OPRK1: variants seen among roughly 807,000 people sequenced by gnomAD.
OPRK1 encodes the protein opioid receptor kappa 1.
A neutral mutation model predicts 24.5 loss-of-function variants in OPRK1; 15 were observed. The observed-to-expected ratio is 0.61, with a 90% CI of 0.41 to 0.94. The LOEUF (loss-of-function observed/expected upper bound fraction) is 0.94. Ranked by LOEUF, OPRK1 falls within the 40% of genes least tolerant of loss-of-function variation. OPRK1 has a pLI of 0.00. For synonymous variants in OPRK1, 205 were observed against 198.0 expected, an observed-to-expected ratio of 1.04 and a Z score of -0.30; for missense variants, 479 against 507.3, an observed-to-expected ratio of 0.94 and a Z score of 0.54.
intron 3 of OPRK1, 102 bp from the exon 4 acceptor site, chr8:53,229,931 G>A (rs1367056507): frequency 2.2e-5 from 24 of 1,070,224 alleles, no homozygotes; most frequent in Non-Finnish European, 3.2e-5. Context: ...TTATTGCAAT[G>A]GTCCAATTAT....
chr8:53,242,098 T>C (rs1404363155), intron 2 of OPRK1, among the ~76,000 whole-genome samples: 1 of 152,208 alleles, frequency 6.6e-6, no homozygotes, highest in East Asian at 1.9e-4. Flanking sequence ...TGCCTAGCGG[T>C]ATATGGATAC....
intron 2 of OPRK1, among the ~76,000 whole-genome samples, chr8:53,243,755 C>T (rs1234067233): frequency 1.3e-5 from 2 of 152,304 alleles, no homozygotes; most frequent in East Asian, 1.9e-4. Context: ...ATTTTTGCTA[C>T]ATTTGTATTA....
rs202077894 is a variant in OPRK1, at chr8:53,229,690, G to T, written c.750C>A (p.Ile250=). ...LIIIVCYTLM[I]LRLKSVRLLS... is the part of the protein sequence containing the mutation. Reference sequence around the variant, plus strand: ...GGAGCCGGACGCTCTTGAGACGCAGGATCATCAGGGTGTAGCAGACGATGA... The same window carrying T: ...GGAGCCGGACGCTCTTGAGACGCAGTATCATCAGGGTGTAGCAGACGATGA... The change falls in exon 4 of 4, where the codon ATC becomes ATA. Residue 250 remains isoleucine (I), a synonymous_variant. Coordinates refer to ENST00000265572, the MANE Select transcript of OPRK1 (RefSeq NM_000912.5). The T allele has an allele frequency of 1.2e-6, 2 of 1,614,004 alleles. No individual in the cohort carries two copies. The highest frequency in any genetic ancestry group is 2.2e-5 in the East Asian group (1 of 44,888).
intron 2 of OPRK1, among the ~76,000 whole-genome samples, chr8:53,240,686 G>A (rs1807092570): frequency 6.6e-6 from 1 of 151,866 alleles, no homozygotes; most frequent in Admixed American, 6.6e-5. Context: ...CAGAAATGGT[G>A]GGGGAAATGG....
intron 2 of OPRK1, among the ~76,000 whole-genome samples, chr8:53,250,052 T>G (rs1807332012): frequency 1.3e-5 from 2 of 150,018 alleles, no homozygotes; most frequent in Non-Finnish European, 2.9e-5. Context: ...TTATTGGAAG[T>G]TGACTTGAAG....
At chr8:53,239,341 T>G (rs190579042) in intron 2 of OPRK1, among the ~76,000 whole-genome samples, 32 of 152,364 alleles carry the variant, frequency 2.1e-4, no homozygotes, top group Admixed American at 9.8e-4. Context: ...AGAGAAAGAT[T>G]GCTGTGTAGT....
intron 2 of OPRK1, among the ~76,000 whole-genome samples, chr8:53,239,041 G>A (rs1441239809): frequency 6.6e-6 from 1 of 152,062 alleles, no homozygotes; most frequent in Non-Finnish European, 1.5e-5. Context: ...CTTTAATCTT[G>A]ATGACTGATT....
At position 53,227,602 on chromosome 8, in the gene OPRK1, C is replaced by G. The variant is rs990011328; in HGVS notation, c.*1695G>C. 3.3e-5 allele frequency: 5 copies of G among 152,084 alleles called. No individual in the cohort carries two copies. Among genetic ancestry groups the G allele is most frequent in the Non-Finnish European group, 7.4e-5 (5 of 68,020 alleles). The allele number at this position is 152,084 out of a possible 1,614,324, so 9.4% of individuals were successfully genotyped here. On this transcript the variant is annotated 3_prime_UTR_variant, in exon 4 of 4. Transcript: ENST00000265572. ...AAAACAAGAAATACTCAAAAGAGCACTTCATTTTCATTAGGAGAAATCACT... is the reference window on the plus strand; with the variant it reads ...AAAACAAGAAATACTCAAAAGAGCAGTTCATTTTCATTAGGAGAAATCACT...
At chr8:53,248,051 C>T (rs1359439883) in intron 2 of OPRK1, among the ~76,000 whole-genome samples, 2 of 145,672 alleles carry the variant, frequency 1.4e-5, no homozygotes, top group African/African-American at 5.1e-5. Context: ...CATTCACACC[C>T]AACAACCACA....
chr8:53,238,534 G>A (rs1585633541), intron 2 of OPRK1: 3 of 985,490 alleles, frequency 3.0e-6, no homozygotes, highest in Non-Finnish European at 3.6e-6. Context: ...AACTTGAGTT[G>A]TGAGCACCGG....
intron 2 of OPRK1, among the ~76,000 whole-genome samples, chr8:53,238,201 A>C (rs949406450): frequency 1.1e-4 from 16 of 152,196 alleles, no homozygotes; most frequent in Admixed American, 7.2e-4. Context: ...TCCACCACTG[A>C]AAAAACAAGC....
At chr8:53,251,278 A>C in intron 1 of OPRK1, 170 bp downstream of exon 1, 1 of 583,428 alleles carries the variant, frequency 1.7e-6, no homozygotes, top group South Asian at 2.5e-5. Flanking sequence ...AGGGGCGAAG[A>C]GCGCTCGCTC....
chr8:53,240,481 G>T (rs952294603), intron 2 of OPRK1, among the ~76,000 whole-genome samples: 1 of 152,158 alleles, frequency 6.6e-6, no homozygotes, highest in Non-Finnish European at 1.5e-5. Flanking sequence ...GGAGTCCAAA[G>T]AGGCCCAAGA....
At chr8:53,233,865 G>GC (rs1252952638) in intron 3 of OPRK1, among the ~76,000 whole-genome samples, 1 of 152,060 alleles carries the variant, frequency 6.6e-6, no homozygotes, top group African/African-American at 2.4e-5. Flanking sequence ...CCAATGTGCA[G>GC]CCCAGAGTGA....
intron 2 of OPRK1, chr8:53,242,788 G>A: frequency 8.3e-7 from 1 of 1,210,534 alleles, no homozygotes; most frequent in Admixed American, 2.6e-5. Flanking sequence ...TTACGGGCCT[G>A]AGCCACCGCG....
intron 2 of OPRK1, among the ~76,000 whole-genome samples, chr8:53,245,336 T>C (rs535219802): frequency 6.6e-6 from 1 of 152,108 alleles, no homozygotes; most frequent in East Asian, 1.9e-4. Context: ...GGAAAGGCTA[T>C]GTGAAGTTAC....
At position 53,249,388 on chromosome 8, in the gene OPRK1, G is replaced by A. The variant is rs190503085; in HGVS notation, c.257+1393C>T. ...CTAATTGTCTCTTTAGTGGAGGCCA[G>A]CCCTGAGATTACTAATGACTTGGAC... On this transcript the variant is annotated intron_variant, in intron 2 of 3. Coordinates refer to ENST00000265572, the MANE Select transcript of OPRK1 (RefSeq NM_000912.5). Among the ~76,000 whole-genome samples the A allele has an allele frequency of 2.6e-4, 40 of 152,252 alleles. No homozygotes were observed. In the East Asian group the frequency reaches 7.5e-3, roughly 29 times the overall value.
chr8:53,236,812 A>C (rs7840786), intron 2 of OPRK1, among the ~76,000 whole-genome samples: 1,533 of 152,292 alleles, frequency 0.01, 26 homozygotes, highest in African/African-American at 0.035. Context: ...CTCCCACCCC[A>C]AAACCCCAGA....
rs201813283 is a variant in OPRK1 at position 53,229,041 on chromosome 8, C to T, written c.*256G>A. ...GAAGGAAAAGACCTGTTCCCTTGTT[C>T]ATCAGAGGAACTGAGGCTCTGCCTC... On this transcript the variant is annotated 3_prime_UTR_variant, in exon 4 of 4. Transcript: ENST00000265572. 2.2e-5 allele frequency: 9 copies of T among 403,382 alleles called. No individual in the cohort carries two copies. The highest frequency in any genetic ancestry group is 4.0e-5 in the Non-Finnish European group (9 of 224,964). The allele number at this position is 403,382 out of a possible 1,614,324, so 25.0% of individuals were successfully genotyped here. A position where few individuals can be genotyped will look rare whatever the true frequency, so the allele number is the denominator to read the frequency against.
Sources: allele counts gnomAD v4.1 joint callset (sites outside exome capture counted in the v4.1 genomes callset), GRCh38; gene constraint gnomAD v4.1.1; transcripts MANE v1.5; gene names NCBI Gene and HGNC (gene_info 2026-07-23, HGNC 2026-07-21).